The following REEP3 variants were observed in gnomAD, a reference collection of about 807,000 sequenced individuals.
REEP3 encodes receptor accessory protein 3, also known as receptor expression-enhancing protein 3.
REEP3 carries 20 observed loss-of-function variants against 41.3 expected under a neutral mutation model. The ratio of observed to expected loss-of-function variants is 0.48; its 90% CI spans 0.34 to 0.70. REEP3 has a LOEUF of 0.70. Among genes scored for constraint, REEP3 ranks in the 30% least tolerant of loss-of-function variants. REEP3 has a pLI of 0.01. For synonymous variants in REEP3, 104 were observed against 101.8 expected, an observed-to-expected ratio of 1.02 and a Z score of -0.13; for missense variants, 271 against 308.8, an observed-to-expected ratio of 0.88 and a Z score of 0.92.
chr10:63,533,581 C>A (rs1467890576), intron 1 of REEP3, among the ~76,000 whole-genome samples: 2 of 151,580 alleles, frequency 1.3e-5, no homozygotes, highest in South Asian at 2.1e-4. Flanking sequence ...ACTTTGTATA[C>A]CTAAGTTAAT....
At chr10:63,617,539 A>G (rs1956320515) in intron 6 of REEP3, among the ~76,000 whole-genome samples, 1 of 152,128 alleles carries the variant, frequency 6.6e-6, no homozygotes, top group South Asian at 2.1e-4. Flanking sequence ...AGCTGGGACT[A>G]CAGGTGCACA....
At chr10:63,579,043 G>GA (rs962938382) in intron 2 of REEP3, among the ~76,000 whole-genome samples, 2 of 144,316 alleles carry the variant, frequency 1.4e-5, no homozygotes, top group African/African-American at 2.6e-5. Context: ...TTTTTTTTTG[G>GA]GGGGGGGGAG....
At chr10:63,535,092 T>C (rs900498155) in intron 1 of REEP3, among the ~76,000 whole-genome samples, 1 of 152,048 alleles carries the variant, frequency 6.6e-6, no homozygotes, top group African/African-American at 2.4e-5. Flanking sequence ...AGAGAAATAA[T>C]AATTTTTAAA....
chr10:63,573,698 C>A (rs1042782347), intron 2 of REEP3, among the ~76,000 whole-genome samples: 1 of 152,126 alleles, frequency 6.6e-6, no homozygotes. Context: ...CATGCCAGTT[C>A]TACAGATCTT....
intron 1 of REEP3, among the ~76,000 whole-genome samples, chr10:63,547,229 C>T (rs956654603): frequency 7.9e-5 from 12 of 152,052 alleles, no homozygotes; most frequent in Non-Finnish European, 8.8e-5. Context: ...CAATTCTTCA[C>T]GACTTTAAGA....
intron 3 of REEP3, among the ~76,000 whole-genome samples, chr10:63,596,337 T>C (rs1010665010): frequency 1.4e-5 from 2 of 140,754 alleles, no homozygotes; most frequent in Admixed American, 1.4e-4. Context: ...TACATCGAAG[T>C]TTCCAAGTTC....
At chr10:63,610,046 C>T (rs946105967) in intron 5 of REEP3, 141 bp from the exon 6 acceptor site, 17 of 645,714 alleles carry the variant, frequency 2.6e-5, no homozygotes, top group Middle Eastern at 4.2e-4. Flanking sequence ...AAGCAGATAC[C>T]GCAAAATGTA....
rs995910558 is a variant in REEP3 at position 63,622,593 on chromosome 10, C to G, written c.*1724C>G. 11 of 152,052 alleles carry G rather than the reference C, an allele frequency of 7.2e-5. No homozygotes were observed. Among genetic ancestry groups the G allele is most frequent in the African/African-American group, 2.4e-4 (10 of 41,462 alleles). The allele number at this position is 152,052 out of a possible 1,614,324, so 9.4% of individuals were successfully genotyped here. A position where few individuals can be genotyped will look rare whatever the true frequency, so the allele number is the denominator to read the frequency against. On this transcript the variant is annotated 3_prime_UTR_variant, in exon 8 of 8. Transcript: ENST00000373758. The stretch of plus-strand genomic sequence containing the variant: ...CCTGGTACTAGACTTCTTAATATAA[C>G]TGTTACACTGTCCTTGTCTTTCCTA...
intron 2 of REEP3, among the ~76,000 whole-genome samples, chr10:63,567,971 A>C (rs1955815749): frequency 6.6e-6 from 1 of 152,204 alleles, no homozygotes; most frequent in Non-Finnish European, 1.5e-5. Flanking sequence ...TAAGTTACAT[A>C]GTTGGGCTCT....
chr10:63,599,108 T>C lies in REEP3; in HGVS notation c.304-62T>C, dbSNP rs1956147769. ...TGAAACTATTATAGGGAGAATGTTCTAGTTTGGGGCTTATTAACACTATTT... is the reference window on the plus strand; with the variant it reads ...TGAAACTATTATAGGGAGAATGTTCCAGTTTGGGGCTTATTAACACTATTT... On this transcript the variant is annotated intron_variant, in intron 4 of 7. Coordinates refer to ENST00000373758, the MANE Select transcript of REEP3 (RefSeq NM_001001330.3). The C allele has an allele frequency of 8.0e-6, 6 of 752,372 alleles. No individual in the cohort carries two copies. In the South Asian group the frequency reaches 1.0e-4, roughly 13 times the overall value. 46.6% of individuals were successfully genotyped at this position (752,372 alleles called of 1,614,324 possible).
chr10:63,564,067 G>T (rs895413491), intron 1 of REEP3, among the ~76,000 whole-genome samples: 4 of 152,106 alleles, frequency 2.6e-5, no homozygotes, highest in Non-Finnish European at 5.9e-5. Flanking sequence ...CCTAAATAAA[G>T]TATAAAGTTT....
chr10:63,619,760 A>G lies in REEP3; in HGVS notation c.671A>G (p.Gln224Arg). The part of the protein sequence containing the change: ...MLTHKGLRRS[Q>R]SMKSVKTTKG... ...ACACACAAAGGGCTTCGAAGATCGCAAAGCATGAAATCTGTGAAAACCACC... is the reference window on the plus strand; with the variant it reads ...ACACACAAAGGGCTTCGAAGATCGCGAAGCATGAAATCTGTGAAAACCACC... Residue 224 changes from glutamine to arginine, a missense_variant, in exon 7 of 8, where the codon CAA (glutamine) becomes CGA (arginine). By Grantham distance (43) the Gln-to-Arg change is conservative (BLOSUM62 1). Coordinates refer to ENST00000373758, the MANE Select transcript of REEP3 (RefSeq NM_001001330.3). 6.2e-7 allele frequency: 1 copy of G among 1,610,278 alleles called. No individual in the cohort carries two copies. Among genetic ancestry groups the G allele is most frequent in the Non-Finnish European group, 8.5e-7 (1 of 1,178,262 alleles).
intron 2 of REEP3, among the ~76,000 whole-genome samples, chr10:63,589,466 A>G (rs1477481183): frequency 1.3e-5 from 2 of 152,152 alleles, no homozygotes; most frequent in East Asian, 3.9e-4. Flanking sequence ...AGATCAGAAG[A>G]CAGGAAAAGC....
intron 5 of REEP3, among the ~76,000 whole-genome samples, chr10:63,607,616 T>C (rs1320059722): frequency 6.6e-6 from 1 of 152,084 alleles, no homozygotes; most frequent in African/African-American, 2.4e-5. Flanking sequence ...TCAAGAGTAA[T>C]GAAAAAGAAG....
chr10:63,563,588 G>A (rs188291836), intron 1 of REEP3, among the ~76,000 whole-genome samples: 1 of 152,258 alleles, frequency 6.6e-6, no homozygotes, highest in Non-Finnish European at 1.5e-5. Flanking sequence ...TACAGGGCAG[G>A]TAATGTGTAC....
At chr10:63,573,200 C>A (rs919024869) in intron 2 of REEP3, among the ~76,000 whole-genome samples, 1 of 152,200 alleles carries the variant, frequency 6.6e-6, no homozygotes, top group Admixed American at 6.5e-5. Flanking sequence ...TGTATTTTGG[C>A]AACCTTCCTT....
At chr10:63,527,835 G>A (rs745339013) in intron 1 of REEP3, among the ~76,000 whole-genome samples, 7 of 151,946 alleles carry the variant, frequency 4.6e-5, no homozygotes, top group African/African-American at 7.3e-5. Flanking sequence ...AATAGTGACC[G>A]CCACTTGGCC....
At chr10:63,532,551 A>G (rs989098377) in intron 1 of REEP3, among the ~76,000 whole-genome samples, 3 of 151,506 alleles carry the variant, frequency 2.0e-5, no homozygotes, top group Non-Finnish European at 2.9e-5. Context: ...AATCCCAGCT[A>G]CTCGAAGGGA....
At chr10:63,610,383 G>A in intron 6 of REEP3, 49 bp downstream of exon 6, 3 of 1,537,250 alleles carry the variant, frequency 2.0e-6, no homozygotes, top group Non-Finnish European at 2.6e-6. Flanking sequence ...GAAACAGGGA[G>A]GGGAACAACA....
Sources: gnomAD v4.1 joint callset for allele counts (sites outside exome capture counted in the v4.1 genomes callset) on GRCh38, gnomAD v4.1.1 for gene constraint, MANE v1.5 for transcripts, NCBI Gene and HGNC (gene_info 2026-07-23, HGNC 2026-07-21) for gene names.